The following PTPRS variants were observed in gnomAD, a reference collection of about 807,000 sequenced individuals.
PTPRS encodes receptor-type tyrosine-protein phosphatase S.
PTPRS carries 63 observed loss-of-function variants against 215.3 expected under a neutral mutation model. That is an observed-to-expected ratio of 0.29 (90% CI 0.24 to 0.36). The LOEUF (loss-of-function observed/expected upper bound fraction) is 0.36. PTPRS is among the 10% of genes least tolerant of loss of function. The pLI is 1.00. For missense variants in PTPRS, 2,258 were observed against 2,825.8 expected (o/e 0.80, Z 4.56); for synonymous variants, 1,404 against 1,191.4 (o/e 1.18, Z -3.68).
Position 5,218,476 on chromosome 19 carries a change from GCGAGGT to G in PTPRS, c.3986_3991del (p.Asp1329_Leu1330del). 6.2e-7 allele frequency: 1 copy of G among 1,614,140 alleles called. No homozygotes were observed. ...CACAGGGTCCTTGGGGTGGTGAGGG[GCGAGGT>G]CGGCATTGTTCAGGAGGCATTTGGT... On this transcript the variant is annotated inframe_deletion, in exon 25 of 38. Transcript: ENST00000262963.
intron 9 of PTPRS, among the ~76,000 whole-genome samples, chr19:5,252,043 T>C (rs1023626549): frequency 1.3e-5 from 2 of 152,166 alleles, no homozygotes; most frequent in African/African-American, 4.8e-5. Flanking sequence ...ATTGGAAATT[T>C]AATTTAAAAA....
intron 1 of PTPRS, among the ~76,000 whole-genome samples, chr19:5,332,598 TCA>T (rs2050363593): frequency 6.6e-6 from 1 of 152,116 alleles, no homozygotes; most frequent in African/African-American, 2.4e-5. Context: ...GGCTTGAGAA[TCA>T]CACACCCGCC....
chr19:5,274,168 C>T (rs751759166), intron 3 of PTPRS, 31 bp downstream of exon 3: 3 of 1,590,772 alleles, frequency 1.9e-6, no homozygotes, highest in South Asian at 1.1e-5. Flanking sequence ...GGAGCATTGA[C>T]CCCAGGCTGC....
intron 13 of PTPRS, among the ~76,000 whole-genome samples, chr19:5,231,963 A>G (rs961028563): frequency 1.3e-5 from 2 of 152,200 alleles, no homozygotes; most frequent in Admixed American, 1.3e-4. Context: ...CCTTCTTACT[A>G]GGCACCTACT....
chr19:5,288,926 G>C (rs1309508762), intron 1 of PTPRS, among the ~76,000 whole-genome samples: 1 of 152,240 alleles, frequency 6.6e-6, no homozygotes, highest in Non-Finnish European at 1.5e-5. Flanking sequence ...GGCTGAGTCA[G>C]GCACAGACAG....
chr19:5,282,673 C>A (rs1245680421), intron 2 of PTPRS, among the ~76,000 whole-genome samples: 1 of 151,970 alleles, frequency 6.6e-6, no homozygotes, highest in African/African-American at 2.4e-5. Flanking sequence ...CCTGGTGGTA[C>A]ACGCCTGTAA....
intron 19 of PTPRS, 136 bp downstream of exon 19, chr19:5,221,987 C>G: frequency 1.4e-6 from 1 of 694,322 alleles, no homozygotes; most frequent in South Asian, 1.7e-5. Context: ...GACTAAGCCT[C>G]AATCCTAGCT....
chr19:5,206,603 C>A lies in PTPRS; in HGVS notation c.*171G>T. ...GGGAGGTCGCTGGGGCGGCCGGGGCCGGTGGGGGGGCTCGAGGGGCTGCGT... is the reference window on the plus strand; with the variant it reads ...GGGAGGTCGCTGGGGCGGCCGGGGCAGGTGGGGGGGCTCGAGGGGCTGCGT... On this transcript the variant is annotated 3_prime_UTR_variant, in exon 38 of 38. Transcript: ENST00000262963. 1.8e-6 allele frequency: 1 copy of A among 569,870 alleles called. No individual in the cohort carries two copies. Among genetic ancestry groups the A allele is most frequent in the South Asian group, 2.1e-5 (1 of 47,018 alleles). 35.3% of individuals were successfully genotyped at this position (569,870 alleles called of 1,614,324 possible).
chr19:5,277,349 T>C (rs925022610), intron 2 of PTPRS, among the ~76,000 whole-genome samples: 1 of 152,064 alleles, frequency 6.6e-6, no homozygotes, highest in African/African-American at 2.4e-5. Flanking sequence ...AGCAGAATAC[T>C]ACATAAGTAT....
rs936851850 is a variant in PTPRS at position 5,225,606 on chromosome 19, G to A, written c.2494+121C>T. The A allele has an allele frequency of 1.2e-5, 11 of 892,148 alleles. No homozygotes were observed. The South Asian group carries it at 1.6e-4, about 13-fold the overall frequency. 55.3% of individuals were successfully genotyped at this position (892,148 alleles called of 1,614,324 possible). ...GCAGCCCTCACACCTTTGTCTCACT[G>A]TTCCAGCTGCCTGGTGCACCCTCTG... is the stretch of plus-strand genomic sequence containing the variant. On this transcript the variant is annotated intron_variant, in intron 17 of 37. Transcript: ENST00000262963.
At chr19:5,215,703 T>G in intron 26 of PTPRS, 108 bp from the exon 27 acceptor site, 1 of 798,428 alleles carries the variant, frequency 1.3e-6, no homozygotes, top group Non-Finnish European at 2.0e-6. Context: ...GAGCTGTGGT[T>G]AGAAGGGCAT....
At chr19:5,313,745 G>T (rs1048830947) in intron 1 of PTPRS, among the ~76,000 whole-genome samples, 1 of 152,030 alleles carries the variant, frequency 6.6e-6, no homozygotes, top group Non-Finnish European at 1.5e-5. Flanking sequence ...CTGCCTCAGC[G>T]GAACCAACCC....
At chr19:5,207,871 G>T in intron 37 of PTPRS, 51 bp downstream of exon 37, 1 of 1,598,398 alleles carries the variant, frequency 6.3e-7, no homozygotes. Flanking sequence ...GGAGCTTAGG[G>T]GCAGTCGGGG....
rs906040198 is a variant in PTPRS, at chr19:5,223,140, C to T, written c.2652G>A (p.Pro884=). The T allele has an allele frequency of 6.4e-6, 10 of 1,570,936 alleles. No homozygotes were observed. Among genetic ancestry groups the T allele is most frequent in the African/African-American group, 2.7e-5 (2 of 73,238 alleles). The stretch of plus-strand genomic sequence containing the variant: ...ATGCCGTGTAGCGGTCCTCGGAGGG[C>T]GGGAACTCCAGGGTGGCCAGGGGCG... The part of the protein sequence containing the change: ...DSTPLATLEF[P]PSEDRYTASG... Residue 884 remains proline, a synonymous_variant, in exon 18 of 38, where the codon CCG becomes CCA. Coordinates refer to ENST00000262963, the MANE Select transcript of PTPRS (RefSeq NM_002850.4).
intron 16 of PTPRS, among the ~76,000 whole-genome samples, chr19:5,227,978 G>A (rs2145571629): frequency 6.6e-6 from 1 of 152,194 alleles, no homozygotes; most frequent in Non-Finnish European, 1.5e-5. Flanking sequence ...GAACTGTGGG[G>A]TAGACCCAGG....
intron 24 of PTPRS, 58 bp from the exon 25 acceptor site, chr19:5,218,590 C>G (rs2041695955): frequency 6.4e-7 from 1 of 1,572,080 alleles, no homozygotes. Context: ...CATGTGTGAA[C>G]ACAATTCAGG....
intron 1 of PTPRS, among the ~76,000 whole-genome samples, chr19:5,322,400 G>A (rs1392587133): frequency 1.3e-5 from 2 of 152,202 alleles, no homozygotes; most frequent in African/African-American, 2.4e-5. Context: ...CCCGGAACTC[G>A]AGGACGTGGC....
chr19:5,314,552 T>TA (rs558487875), intron 1 of PTPRS, among the ~76,000 whole-genome samples: 9 of 151,828 alleles, frequency 5.9e-5, no homozygotes, highest in South Asian at 2.1e-4. Context: ...TTTATTTATT[T>TA]AAAAAAAAAT....
At chr19:5,265,794 G>A (rs1266572242) in intron 4 of PTPRS, among the ~76,000 whole-genome samples, 1 of 151,642 alleles carries the variant, frequency 6.6e-6, no homozygotes, top group Non-Finnish European at 1.5e-5. Flanking sequence ...GTCAGGACTT[G>A]GGGGTGGGTG....
Sources: allele counts gnomAD v4.1 joint callset (sites outside exome capture counted in the v4.1 genomes callset), GRCh38; gene constraint gnomAD v4.1.1; transcripts MANE v1.5; gene names NCBI Gene and HGNC (gene_info 2026-07-23, HGNC 2026-07-21).